The following SNX4 variants were observed in gnomAD, a reference collection of about 807,000 sequenced individuals.
SNX4 encodes the protein sorting nexin 4, also known as sorting nexin-4.
SNX4 carries 49 observed loss-of-function variants against 70.8 expected under a neutral mutation model. The ratio of observed to expected loss-of-function variants is 0.69; its 90% CI spans 0.55 to 0.88. The LOEUF is 0.88. Ranked by LOEUF, SNX4 falls within the 40% of genes least tolerant of loss-of-function variation. The pLI is 0.00. For synonymous variants in SNX4, 206 were observed against 183.8 expected (o/e 1.12, Z -0.98); for missense variants, 528 against 544.8 (o/e 0.97, Z 0.31).
intron 2 of SNX4, among the ~76,000 whole-genome samples, chr3:125,501,454 T>A (rs1449620976): frequency 6.6e-6 from 1 of 152,080 alleles, no homozygotes; most frequent in East Asian, 1.9e-4. Flanking sequence ...ACCCCATCTC[T>A]ACTAAAAATA....
chr3:125,480,388 A>C (rs1559816622), intron 6 of SNX4, 69 bp from the exon 7 acceptor site: 1 of 961,220 alleles, frequency 1.0e-6, no homozygotes, highest in Non-Finnish European at 1.5e-6. Context: ...GAAAGAAAAA[A>C]ACAGTAGTTC....
At chr3:125,481,082 A>G (rs993689407) in intron 6 of SNX4, among the ~76,000 whole-genome samples, 4 of 152,178 alleles carry the variant, frequency 2.6e-5, no homozygotes, top group African/African-American at 9.7e-5. Flanking sequence ...TTTATAGCCA[A>G]GCTTTCACAA....
chr3:125,452,670 T>A (rs990609079), intron 12 of SNX4, among the ~76,000 whole-genome samples: 34 of 152,106 alleles, frequency 2.2e-4, no homozygotes, highest in African/African-American at 8.0e-4. Context: ...CAGGCTAGAG[T>A]GCAGTGGCGT....
intron 2 of SNX4, among the ~76,000 whole-genome samples, chr3:125,500,799 C>CAAAA (rs770336677): frequency 1.7e-4 from 5 of 29,300 alleles, no homozygotes; most frequent in Admixed American, 6.4e-4. Flanking sequence ...GACTCCGTCT[C>CAAAA]AAAAAAAAAA....
chr3:125,457,176 C>T (rs2107842389), intron 11 of SNX4, 90 bp downstream of exon 11: 1 of 858,056 alleles, frequency 1.2e-6, no homozygotes, highest in South Asian at 1.4e-5. Flanking sequence ...ACTGATTCTA[C>T]AGGAGTGAGT....
intron 5 of SNX4, among the ~76,000 whole-genome samples, chr3:125,496,292 T>C (rs1934792831): frequency 6.6e-6 from 1 of 152,184 alleles, no homozygotes; most frequent in African/African-American, 2.4e-5. Flanking sequence ...AGACTCTGTC[T>C]CAAAATCATA....
intron 9 of SNX4, among the ~76,000 whole-genome samples, chr3:125,467,727 T>G (rs1410774928): frequency 1.3e-5 from 2 of 152,094 alleles, no homozygotes; most frequent in Non-Finnish European, 2.9e-5. Flanking sequence ...TGGTTATTAC[T>G]AAAAGGTCAA....
chr3:125,496,167 G>T (rs1021555396), intron 5 of SNX4, among the ~76,000 whole-genome samples: 1 of 152,056 alleles, frequency 6.6e-6, no homozygotes, highest in African/African-American at 2.4e-5. Flanking sequence ...GGTGGCACGC[G>T]CCTGTAGTCT....
chr3:125,475,102 A>AT (rs1006489238), intron 8 of SNX4, among the ~76,000 whole-genome samples: 2 of 152,172 alleles, frequency 1.3e-5, no homozygotes, highest in Admixed American at 6.5e-5. Flanking sequence ...AAGAGTTTAC[A>AT]TTTTTATAAT....
intron 5 of SNX4, among the ~76,000 whole-genome samples, chr3:125,493,271 AC>A (rs1421685686): frequency 6.6e-6 from 1 of 152,024 alleles, no homozygotes; most frequent in Non-Finnish European, 1.5e-5. Context: ...TAAATATTCC[AC>A]CCCCCTAAAA....
intron 12 of SNX4, 91 bp downstream of exon 12, chr3:125,453,719 G>A (rs948319115): frequency 8.1e-7 from 1 of 1,239,740 alleles, no homozygotes; most frequent in Non-Finnish European, 1.1e-6. Flanking sequence ...ATGAAGCTGG[G>A]AATTGTTACC....
At chr3:125,515,421 G>A (rs1311041939) in intron 1 of SNX4, among the ~76,000 whole-genome samples, 1 of 151,732 alleles carries the variant, frequency 6.6e-6, no homozygotes, top group East Asian at 1.9e-4. Context: ...CAGCAATTTG[G>A]GGGGCTGAGG....
chr3:125,448,225 A>C (rs890937770), intron 13 of SNX4, among the ~76,000 whole-genome samples: 2 of 151,694 alleles, frequency 1.3e-5, no homozygotes, highest in African/African-American at 4.8e-5. Context: ...CCAGGGCTCA[A>C]GGGATCCTCC....
At chr3:125,519,958 A>AGCCCAGCCCAGCCCAGCCCG in intron 1 of SNX4, 74 bp downstream of exon 1, 1 of 718,668 alleles carries the variant, frequency 1.4e-6, no homozygotes. Flanking sequence ...GGCCCAGCCC[A>AGCCCAGCCCAGCCCAGCCCG]GCCCAGCCCA....
intron 1 of SNX4, among the ~76,000 whole-genome samples, chr3:125,517,465 G>A (rs1349651171): frequency 1.3e-5 from 2 of 152,196 alleles, no homozygotes; most frequent in African/African-American, 4.8e-5. Context: ...ATTTTCAACT[G>A]AAGACAGACT....
Position 125,520,099 on chromosome 3 carries a change from G to C in SNX4, c.74C>G (p.Ala25Gly), listed in dbSNP as rs767030557. The C allele has an allele frequency of 4.6e-6, 7 of 1,518,674 alleles. No individual in the cohort carries two copies. Among genetic ancestry groups the C allele is most frequent in the Non-Finnish European group, 5.3e-6 (6 of 1,137,714 alleles). The allele number at this position is 1,518,674 out of a possible 1,614,324, so 94.1% of individuals were successfully genotyped here. A position where few individuals can be genotyped will look rare whatever the true frequency, so the allele number is the denominator to read the frequency against. Residue 25 changes from alanine to glycine, a missense_variant, in exon 1 of 14, where the codon GCT becomes GGT. Around this residue, in one of 3 missense-constraint regions of SNX4, gnomAD observed 341 missense variants for 312.2 expected, o/e 1.09. Transcript: ENST00000251775. Reference sequence around the variant, plus strand: ...CTTGCCGACCGCAGCCCCCAGCCCAGCGTCTGGGGAGCCCAGCGGCTCCAA... The same window carrying C: ...CTTGCCGACCGCAGCCCCCAGCCCACCGTCTGGGGAGCCCAGCGGCTCCAA... ...APLEPLGSPD[A>G]GLGAAVGKEA... is the part of the protein sequence containing the mutation.
rs1287737704 is a variant in SNX4 at position 125,520,013 on chromosome 3, T to G, written c.141+19A>C. 1 of 1,438,054 alleles carries G rather than the reference T, an allele frequency of 7.0e-7. No homozygotes were observed. Among genetic ancestry groups the G allele is most frequent in the South Asian group, 1.2e-5 (1 of 82,834 alleles). The allele number at this position is 1,438,054 out of a possible 1,614,324, so 89.1% of individuals were successfully genotyped here. On this transcript the variant is annotated intron_variant, in intron 1 of 13. Coordinates refer to ENST00000251775, the MANE Select transcript of SNX4 (RefSeq NM_003794.4). ...GCCACCACACAGGCCATGAGGGCTC[T>G]GCCGCCCCTTCTCCTCACCGTGTCG...
chr3:125,464,387 T>C (rs1933955313), intron 9 of SNX4, among the ~76,000 whole-genome samples: 1 of 152,034 alleles, frequency 6.6e-6, no homozygotes, highest in Admixed American at 6.6e-5. Flanking sequence ...TTTTACCTTT[T>C]ACAATTATGT....
rs1224942937 is a variant in SNX4 at position 125,519,943 on chromosome 3, G to GGCCCGGCCCA, written c.141+79_141+88dup. 9.9e-6 allele frequency: 10 copies of GGCCCGGCCCA among 1,010,996 alleles called. No homozygotes were observed. The African/African-American group carries it at 1.5e-4, about 15-fold the overall frequency. 62.6% of individuals were successfully genotyped at this position (1,010,996 alleles called of 1,614,324 possible). ...CCTCCTCGGCCGAGCCCACTGGCCC[G>GGCCCGGCCCA]GCCCGGCCCAGCCCAGCCCAGCCCA... On this transcript the variant is annotated intron_variant, in intron 1 of 13. Coordinates refer to ENST00000251775, the MANE Select transcript of SNX4 (RefSeq NM_003794.4).
Sources: gnomAD v4.1 joint callset for allele counts (sites outside exome capture counted in the v4.1 genomes callset) on GRCh38, gnomAD v4.1.1 for gene constraint, gnomAD v4.1.1 regional missense constraint, MANE v1.5 for transcripts, NCBI Gene and HGNC (gene_info 2026-07-23, HGNC 2026-07-21) for gene names.